Variants in GANC observed in about 807,000 individuals in gnomAD.
GANC encodes glucosidase alpha, neutral C, also known as neutral alpha-glucosidase C.
Under a neutral mutation model 124.2 loss-of-function variants are expected in GANC, and 117 were observed. That is an observed-to-expected ratio of 0.94 (90% CI 0.81 to 1.10). The LOEUF (loss-of-function observed/expected upper bound fraction) is 1.10. GANC is among the 50% of genes least tolerant of loss of function. The pLI is 0.00. For missense variants in GANC, 1,140 were observed against 1,095.0 expected, an observed-to-expected ratio of 1.04 and a Z score of -0.58; for synonymous variants, 377 against 376.8, an observed-to-expected ratio of 1.00 and a Z score of -0.01.
In GANC at chr15:42,352,808, A is replaced by G. The variant is rs1354641478; in HGVS notation, c.*669A>G. ...ATTAAGTGCTGTTTACTAACCAAAT[A>G]ATATTTATAACATGAGTAAGCTATA... On this transcript the variant is annotated 3_prime_UTR_variant, in exon 24 of 24. Transcript: ENST00000318010. 1 of 753,306 alleles carries G rather than the reference A, an allele frequency of 1.3e-6. No individual in the cohort carries two copies. Among genetic ancestry groups the G allele is most frequent in the Admixed American group, 6.3e-5 (1 of 15,988 alleles). The allele number at this position is 753,306 out of a possible 1,614,324, so 46.7% of individuals were successfully genotyped here.
At chr15:42,296,599 G>A (rs1359813486) in intron 5 of GANC, among the ~76,000 whole-genome samples, 3 of 152,170 alleles carry the variant, frequency 2.0e-5, no homozygotes, top group Middle Eastern at 3.4e-3. Context: ...CACCATGTTG[G>A]CCAGGCTGGT....
chr15:42,316,461 C>T (rs2052103722), intron 10 of GANC, among the ~76,000 whole-genome samples: 1 of 152,178 alleles, frequency 6.6e-6, no homozygotes, highest in East Asian at 1.9e-4. Context: ...GACGGGGGCC[C>T]TTCCCTTTTA....
chr15:42,308,041 C>T (rs1200539895), intron 7 of GANC, among the ~76,000 whole-genome samples, 181 bp from the exon 8 acceptor site: 1 of 152,164 alleles, frequency 6.6e-6, no homozygotes, highest in Non-Finnish European at 1.5e-5. Flanking sequence ...ATTTTTGTAT[C>T]CCCACAACAC....
chr15:42,310,612 G>C, intron 9 of GANC, 81 bp from the exon 10 acceptor site: 2 of 1,539,758 alleles, frequency 1.3e-6, no homozygotes, highest in Non-Finnish European at 1.8e-6. Flanking sequence ...TCTACTAAAG[G>C]ATCAGACTGT....
At chr15:42,316,023 A>G (rs916023559) in intron 10 of GANC, among the ~76,000 whole-genome samples, 1 of 152,000 alleles carries the variant, frequency 6.6e-6, no homozygotes, top group Non-Finnish European at 1.5e-5. Context: ...AATATATTCA[A>G]TATAAATCCT....
chr15:42,297,684 A>C, intron 6 of GANC, 28 bp downstream of exon 6: 1 of 1,521,732 alleles, frequency 6.6e-7, no homozygotes, highest in South Asian at 1.2e-5. Flanking sequence ...ATTTATTGTT[A>C]TCTTTTTCAC....
intron 15 of GANC, among the ~76,000 whole-genome samples, chr15:42,334,083 A>G (rs1433090901): frequency 6.6e-6 from 1 of 152,194 alleles, no homozygotes; most frequent in Non-Finnish European, 1.5e-5. Context: ...CTCATACCAT[A>G]TTCAAAATTA....
intron 19 of GANC, among the ~76,000 whole-genome samples, chr15:42,343,990 G>A (rs1451713311): frequency 6.6e-6 from 1 of 152,278 alleles, no homozygotes; most frequent in Non-Finnish European, 1.5e-5. Context: ...GGACTGCCAG[G>A]CCACATAGTC....
In GANC at chr15:42,313,898, G is replaced by A. The variant is rs2052078765; in HGVS notation, c.1057+3052G>A. 5.1e-6 allele frequency: 3 copies of A among 593,028 alleles called. No homozygotes were observed. In the East Asian group the frequency reaches 8.5e-5, roughly 17 times the overall value. The allele number at this position is 593,028 out of a possible 1,614,324, so 36.7% of individuals were successfully genotyped here. On this transcript the variant is annotated intron_variant, in intron 10 of 23. Transcript: ENST00000318010. ...GCTTCCCAGAGAAAGGCTGCAGTAAGCACTGTTCATGCTGCTGCTCTCCCG... is the reference window on the plus strand; with the variant it reads ...GCTTCCCAGAGAAAGGCTGCAGTAAACACTGTTCATGCTGCTGCTCTCCCG...
At chr15:42,337,011 G>A (rs1384638131) in intron 15 of GANC, among the ~76,000 whole-genome samples, 5 of 152,158 alleles carry the variant, frequency 3.3e-5, no homozygotes, top group Admixed American at 6.6e-5. Flanking sequence ...GCAGAGAAAG[G>A]ACAATGCTTA....
Position 42,273,549 on chromosome 15 carries a change from A to T in GANC, c.-933A>T. On this transcript the variant is annotated 5_prime_UTR_variant, in exon 1 of 24. Coordinates refer to ENST00000318010, the MANE Select transcript of GANC (RefSeq NM_198141.3). Reference sequence around the variant, plus strand: ...TGCGGCGTAGCGGCCCCTCTCTCAGACAGTCGTCTGTGCGCCGTGAGACTT... The same window carrying T: ...TGCGGCGTAGCGGCCCCTCTCTCAGTCAGTCGTCTGTGCGCCGTGAGACTT... 7.4e-7 allele frequency: 1 copy of T among 1,358,538 alleles called. No individual in the cohort carries two copies. The highest frequency in any genetic ancestry group is 9.8e-7 in the Non-Finnish European group (1 of 1,016,576). 84.2% of individuals were successfully genotyped at this position (1,358,538 alleles called of 1,614,324 possible). A position where few individuals can be genotyped will look rare whatever the true frequency, so the allele number is the denominator to read the frequency against.
chr15:42,348,197 G>A lies in GANC; in HGVS notation c.2399G>A (p.Arg800Gln), dbSNP rs745510577. 2.0e-5 allele frequency: 32 copies of A among 1,611,050 alleles called. No homozygotes were observed. The highest frequency in any genetic ancestry group is 4.0e-5 in the African/African-American group (3 of 74,778). ...ATGACTGAATCCTCCTATGGACTCC[G>A]GGTTGCTCTAAGCACTAAGGTATTT... ...GWMTESSYGL[R>Q]VALSTKGSSV... is the part of the protein sequence containing the mutation. Residue 800 changes from arginine (R) to glutamine (Q), a missense_variant, in exon 21 of 24, where the codon CGG becomes CAG. By Grantham distance (43) the Arg-to-Gln change is conservative. Coordinates refer to ENST00000318010, the MANE Select transcript of GANC (RefSeq NM_198141.3).
chr15:42,334,535 GA>G (rs546928091), intron 15 of GANC, among the ~76,000 whole-genome samples: 2 of 151,690 alleles, frequency 1.3e-5, no homozygotes, highest in Admixed American at 6.6e-5. Context: ...AATCATAAAA[GA>G]AAAAAATGAC....
chr15:42,296,408 C>CAAATAA (rs1566951881), intron 5 of GANC, among the ~76,000 whole-genome samples: 18 of 152,014 alleles, frequency 1.2e-4, no homozygotes, highest in African/African-American at 4.4e-4. Flanking sequence ...TGTTTTAAGA[C>CAAATAA]GGAATTTCAC....
At chr15:42,351,998 A>G (rs376452450) in intron 23 of GANC, 32 bp from the exon 24 acceptor site, 11 of 1,612,754 alleles carry the variant, frequency 6.8e-6, no homozygotes, top group Non-Finnish European at 8.5e-7. Flanking sequence ...AGATTCATCA[A>G]AATTTCCCTC....
At chr15:42,295,420 A>G (rs1273768768) in intron 5 of GANC, among the ~76,000 whole-genome samples, 3 of 152,122 alleles carry the variant, frequency 2.0e-5, no homozygotes, top group Non-Finnish European at 4.4e-5. Flanking sequence ...TTAGATTTTA[A>G]CCTCATAACA....
Position 42,349,520 on chromosome 15 carries a change from T to G in GANC, c.2531+25T>G, listed in dbSNP as rs369506849. On this transcript the variant is annotated intron_variant, in intron 22 of 23. Coordinates refer to ENST00000318010, the MANE Select transcript of GANC (RefSeq NM_198141.3). The stretch of plus-strand genomic sequence containing the variant: ...GGTAATGGCAGCTAAAGAAACTGTT[T>G]GTTTTCTTAAGTAAATCACACTATC... 8.6e-5 allele frequency: 116 copies of G among 1,344,270 alleles called. No homozygotes were observed. In the African/African-American group the frequency reaches 1.5e-3, roughly 17 times the overall value. The allele number at this position is 1,344,270 out of a possible 1,614,324, so 83.3% of individuals were successfully genotyped here.
chr15:42,346,526 A>C (rs999707966), intron 20 of GANC, among the ~76,000 whole-genome samples: 1 of 152,222 alleles, frequency 6.6e-6, no homozygotes, highest in Non-Finnish European at 1.5e-5. Flanking sequence ...AATTCTATCA[A>C]AGCTGTAAAA....
Position 42,321,918 on chromosome 15 carries a change from G to A in GANC, c.1191G>A (p.Leu397=), listed in dbSNP as rs1194868069. The A allele has an allele frequency of 1.2e-6, 2 of 1,614,196 alleles. No individual in the cohort carries two copies. The highest frequency in any genetic ancestry group is 2.2e-5 in the East Asian group (1 of 44,878). ...ACATTCCTTATGATGCCATGTGGCT[G>A]GACATAGAGCACACTGAGGGCAAGA... ...EHDIPYDAMW[L]DIEHTEGKRY... is the part of the protein sequence containing the mutation. The change falls in exon 11 of 24, where the codon CTG becomes CTA. Residue 397 remains leucine (L), a synonymous_variant. Transcript: ENST00000318010.
Sources: gnomAD v4.1 joint callset for allele counts (sites outside exome capture counted in the v4.1 genomes callset) on GRCh38, gnomAD v4.1.1 for gene constraint, MANE v1.5 for transcripts, NCBI Gene and HGNC (gene_info 2026-07-23, HGNC 2026-07-21) for gene names.